Variants in KCNQ3 observed in about 807,000 individuals in gnomAD.
KCNQ3 encodes the protein potassium voltage-gated channel subfamily Q member 3, also known as potassium voltage-gated channel subfamily KQT member 3.
KCNQ3 carries 30 observed loss-of-function variants against 92.5 expected under a neutral mutation model. That is an observed-to-expected ratio of 0.32 (90% CI 0.24 to 0.44). KCNQ3 has a LOEUF of 0.44. Among genes scored for constraint, KCNQ3 ranks in the 20% least tolerant of loss-of-function variants. KCNQ3 has a pLI of 1.00. For synonymous variants in KCNQ3, 450 were observed against 468.8 expected, an observed-to-expected ratio of 0.96 and a Z score of 0.52; for missense variants, 913 against 1,140.3, an observed-to-expected ratio of 0.80 and a Z score of 2.87.
chr8:132,372,712 G>C (rs370610026), intron 1 of KCNQ3, among the ~76,000 whole-genome samples: 2 of 129,118 alleles, frequency 1.5e-5, no homozygotes, highest in Non-Finnish European at 3.1e-5. Flanking sequence ...AGCCAAGATC[G>C]TGCCATTGCA....
intron 1 of KCNQ3, among the ~76,000 whole-genome samples, chr8:132,215,057 G>C (rs1016697279): frequency 2.0e-5 from 3 of 152,206 alleles, no homozygotes; most frequent in African/African-American, 7.2e-5. Context: ...ATGAAGTGGA[G>C]TGCACCTGTC....
chr8:132,288,133 TTG>T (rs1187578871), intron 1 of KCNQ3, among the ~76,000 whole-genome samples: 1 of 152,210 alleles, frequency 6.6e-6, no homozygotes, highest in Non-Finnish European at 1.5e-5. Context: ...TTTCCATATT[TTG>T]TGTTACTCCT....
At chr8:132,364,695 G>A (rs1819265893) in intron 1 of KCNQ3, among the ~76,000 whole-genome samples, 2 of 120,900 alleles carry the variant, frequency 1.7e-5, no homozygotes, top group Admixed American at 7.9e-5. Context: ...ACGGACGGAC[G>A]GATGGATGGA....
chr8:132,336,495 C>T (rs1017792991), intron 1 of KCNQ3, among the ~76,000 whole-genome samples: 19 of 152,304 alleles, frequency 1.2e-4, no homozygotes, highest in Admixed American at 7.8e-4. Context: ...TCCAGACAAA[C>T]AGTAGGTGAC....
intron 1 of KCNQ3, among the ~76,000 whole-genome samples, chr8:132,422,851 T>C (rs553335309): frequency 6.6e-6 from 1 of 152,030 alleles, no homozygotes; most frequent in Admixed American, 6.6e-5. Flanking sequence ...GGATAGACAG[T>C]GGAGGGAGAG....
chr8:132,460,706 C>A (rs1021793213), intron 1 of KCNQ3, among the ~76,000 whole-genome samples: 3 of 152,164 alleles, frequency 2.0e-5, no homozygotes, highest in African/African-American at 7.2e-5. Context: ...CATCTGCATC[C>A]CTTCCTGGGG....
chr8:132,160,454 A>G (rs1185205156), intron 9 of KCNQ3, among the ~76,000 whole-genome samples: 2 of 152,242 alleles, frequency 1.3e-5, no homozygotes, highest in African/African-American at 4.8e-5. Context: ...ATAGTCACTC[A>G]GCAAATACAT....
At chr8:132,410,289 A>T (rs1265276686) in intron 1 of KCNQ3, among the ~76,000 whole-genome samples, 1 of 152,242 alleles carries the variant, frequency 6.6e-6, no homozygotes, top group Non-Finnish European at 1.5e-5. Flanking sequence ...ACTGGAGAAC[A>T]TGAGAGTAAA....
At chr8:132,230,695 C>T (rs889301263) in intron 1 of KCNQ3, among the ~76,000 whole-genome samples, 1 of 152,308 alleles carries the variant, frequency 6.6e-6, no homozygotes, top group East Asian at 1.9e-4. Flanking sequence ...AAAGAAAGCA[C>T]TACATTTCAC....
At chr8:132,360,860 C>A (rs4458854) in intron 1 of KCNQ3, among the ~76,000 whole-genome samples, 63,909 of 152,088 alleles carry the variant, frequency 0.42, 14,528 homozygotes, top group African/African-American at 0.59. Context: ...CAGGCCAGTG[C>A]TTGGCACACA....
At chr8:132,380,549 T>C (rs1819719802) in intron 1 of KCNQ3, among the ~76,000 whole-genome samples, 1 of 152,108 alleles carries the variant, frequency 6.6e-6, no homozygotes, top group Non-Finnish European at 1.5e-5. Context: ...GGGGCTGTTT[T>C]GCCACCTGCA....
At chr8:132,157,728 G>T (rs1444782713) in intron 9 of KCNQ3, among the ~76,000 whole-genome samples, 1 of 151,968 alleles carries the variant, frequency 6.6e-6, no homozygotes, top group Non-Finnish European at 1.5e-5. Context: ...TGTTCCATAG[G>T]TATACATGTG....
At chr8:132,458,883 T>A (rs547849505) in intron 1 of KCNQ3, among the ~76,000 whole-genome samples, 3 of 152,250 alleles carry the variant, frequency 2.0e-5, no homozygotes, top group Non-Finnish European at 4.4e-5. Flanking sequence ...AATAAATCAA[T>A]CCTAATGCAT....
Position 132,121,410 on chromosome 8 carries a change from C to T in KCNQ3, c.*7852G>A, listed in dbSNP as rs543256587. The T allele has an allele frequency of 1.1e-4, 16 of 152,254 alleles. No homozygotes were observed. In the East Asian group the frequency reaches 1.5e-3, roughly 15 times the overall value. 9.4% of individuals were successfully genotyped at this position (152,254 alleles called of 1,614,324 possible). On this transcript the variant is annotated 3_prime_UTR_variant, in exon 15 of 15. Coordinates refer to ENST00000388996, the MANE Select transcript of KCNQ3 (RefSeq NM_004519.4). The stretch of plus-strand genomic sequence containing the variant: ...TTGATTTTTCAGGATGGCACAGAGC[C>T]GACTTCACCTCTCCAACAGCAAATC...
chr8:132,154,956 G>C (rs1347696), intron 9 of KCNQ3, among the ~76,000 whole-genome samples: 74,155 of 151,906 alleles, frequency 0.49, 18,341 homozygotes, highest in Non-Finnish European at 0.53. Context: ...ATGGACGGAA[G>C]AAAATTAGGA....
At chr8:132,472,229 T>A (rs1486355997) in intron 1 of KCNQ3, among the ~76,000 whole-genome samples, 4 of 152,144 alleles carry the variant, frequency 2.6e-5, no homozygotes, top group Admixed American at 6.5e-5. Context: ...AAAATAGAAC[T>A]ATCATACCAT....
At chr8:132,145,552 G>A (rs1431795574) in intron 9 of KCNQ3, among the ~76,000 whole-genome samples, 1 of 152,138 alleles carries the variant, frequency 6.6e-6, no homozygotes, top group African/African-American at 2.4e-5. Flanking sequence ...TAAATCCCAG[G>A]CTCAAGGTAA....
chr8:132,379,239 C>T (rs1273487591), intron 1 of KCNQ3, among the ~76,000 whole-genome samples: 2 of 152,154 alleles, frequency 1.3e-5, no homozygotes, highest in Admixed American at 1.3e-4. Context: ...CTTTATCAGG[C>T]ACATTACATG....
intron 1 of KCNQ3, among the ~76,000 whole-genome samples, chr8:132,457,590 G>A (rs144544196): frequency 2.0e-4 from 30 of 152,230 alleles, no homozygotes; most frequent in African/African-American, 4.1e-4. Context: ...CTCTGACACC[G>A]TTCCATCTTT....
Sources: allele counts gnomAD v4.1 joint callset (sites outside exome capture counted in the v4.1 genomes callset), GRCh38; gene constraint gnomAD v4.1.1; transcripts MANE v1.5; gene names NCBI Gene and HGNC (gene_info 2026-07-23, HGNC 2026-07-21).